PLXNA2: variants seen among roughly 807,000 people sequenced by gnomAD.
PLXNA2 encodes plexin-A2.
Under a neutral mutation model 193.5 loss-of-function variants are expected in PLXNA2, and 91 were observed. That is an observed-to-expected ratio of 0.47 (90% CI 0.40 to 0.56). The LOEUF is 0.56. Among genes scored for constraint, PLXNA2 ranks in the 20% least tolerant of loss-of-function variants. The probability of loss-of-function intolerance (pLI) is 0.00; values close to 1 mark genes in which losing one functional copy is unlikely to be tolerated. For missense variants in PLXNA2, 1,995 were observed against 2,503.2 expected, an observed-to-expected ratio of 0.80 and a Z score of 4.33; for synonymous variants, 997 against 1,027.3, an observed-to-expected ratio of 0.97 and a Z score of 0.56.
In PLXNA2 at chr1:208,042,324, G is replaced by A. The variant is rs1664898186; in HGVS notation, c.4060C>T (p.Leu1354Phe). 1.9e-6 allele frequency: 3 copies of A among 1,614,174 alleles called. No individual in the cohort carries two copies. The highest frequency in any genetic ancestry group is 2.5e-6 in the Non-Finnish European group (3 of 1,180,014). The stretch of plus-strand genomic sequence containing the variant: ...TTGTTGTTGATGAGCTGGGCAAAGA[G>A]CTTCAGGGCCTTCTCCACGTGCTGC... ...GQQHVEKALKLFAQLINNKVF... is the reference protein window; with the variant it reads ...GQQHVEKALKFFAQLINNKVF... Residue 1354 changes from leucine (L) to phenylalanine (F), a missense_variant, in exon 22 of 32, where the codon CTC becomes TTC. By Grantham distance (22) the Leu-to-Phe change is conservative. Coordinates refer to ENST00000367033, the MANE Select transcript of PLXNA2 (RefSeq NM_025179.4).
intron 9 of PLXNA2, among the ~76,000 whole-genome samples, chr1:208,088,802 G>A (rs1436443710): frequency 6.6e-6 from 1 of 152,214 alleles, no homozygotes; most frequent in Non-Finnish European, 1.5e-5. Flanking sequence ...GTAATATGCT[G>A]GATTGACAAT....
intron 26 of PLXNA2, among the ~76,000 whole-genome samples, chr1:208,035,694 C>G (rs1290249406): frequency 6.6e-6 from 1 of 152,090 alleles, no homozygotes; most frequent in Non-Finnish European, 1.5e-5. Flanking sequence ...CCTATTAAAC[C>G]ATTTTTTATT....
chr1:208,132,249 T>G (rs971063594), intron 4 of PLXNA2, among the ~76,000 whole-genome samples: 1 of 152,330 alleles, frequency 6.6e-6, no homozygotes. Context: ...GAGGAGTTAC[T>G]GAGTCTGTGC....
At chr1:208,046,174 G>A (rs571820869) in intron 17 of PLXNA2, 57 bp from the exon 18 acceptor site, 8 of 1,552,442 alleles carry the variant, frequency 5.2e-6, no homozygotes, top group Admixed American at 1.9e-5. Context: ...GAGCCCAGGG[G>A]CCCACAGCCG....
rs1427366160 is a variant in PLXNA2, at chr1:208,025,993, G to A, written c.*1250C>T. 6.6e-6 allele frequency: 1 copy of A among 152,644 alleles called. No individual in the cohort carries two copies. The highest frequency in any genetic ancestry group is 2.4e-5 in the African/African-American group (1 of 41,464). 9.5% of individuals were successfully genotyped at this position (152,644 alleles called of 1,614,324 possible). A position where few individuals can be genotyped will look rare whatever the true frequency, so the allele number is the denominator to read the frequency against. ...GCGAAGGGTGGTCTCCCCTCTCCAG[G>A]CACGAGAGAATGAAAGAAAGAAAGC... On this transcript the variant is annotated 3_prime_UTR_variant, in exon 32 of 32. Transcript: ENST00000367033.
At chr1:208,159,139 A>G (rs932472331) in intron 3 of PLXNA2, among the ~76,000 whole-genome samples, 1 of 152,180 alleles carries the variant, frequency 6.6e-6, no homozygotes, top group African/African-American at 2.4e-5. Flanking sequence ...AAATGCCAGG[A>G]AAATGGGGAA....
In PLXNA2 at chr1:208,042,382, G is replaced by A. The variant is rs1176055046; in HGVS notation, c.4018-16C>T. 6.2e-7 allele frequency: 1 copy of A among 1,609,792 alleles called. No individual in the cohort carries two copies. The highest frequency in any genetic ancestry group is 1.3e-5 in the African/African-American group (1 of 74,984). Reference sequence around the variant, plus strand: ...TTCCTTGTACCTGGGGTGGGGTGTGGTGGAGGCGACGCCCTCAGAGGACAG... The same window carrying A: ...TTCCTTGTACCTGGGGTGGGGTGTGATGGAGGCGACGCCCTCAGAGGACAG... On this transcript the variant is annotated splice_polypyrimidine_tract_variant and intron_variant, in intron 21 of 31. Transcript: ENST00000367033.
chr1:208,152,144 C>T (rs781521489), intron 3 of PLXNA2, among the ~76,000 whole-genome samples: 6 of 152,220 alleles, frequency 3.9e-5, no homozygotes, highest in Non-Finnish European at 7.3e-5. Flanking sequence ...TTCATTAACA[C>T]TGAGGATGGC....
At chr1:208,111,821 C>T (rs1349807663) in intron 4 of PLXNA2, among the ~76,000 whole-genome samples, 1 of 152,212 alleles carries the variant, frequency 6.6e-6, no homozygotes, top group Non-Finnish European at 1.5e-5. Flanking sequence ...CAGCCTCCTG[C>T]CTGTCCTCTG....
intron 3 of PLXNA2, among the ~76,000 whole-genome samples, chr1:208,159,799 G>T (rs1020322470): frequency 6.6e-6 from 1 of 152,222 alleles, no homozygotes; most frequent in Non-Finnish European, 1.5e-5. Context: ...CAGAGAGGAA[G>T]GGGCAGGAAC....
chr1:208,205,659 G>A (rs566943249), intron 3 of PLXNA2, among the ~76,000 whole-genome samples: 1 of 152,304 alleles, frequency 6.6e-6, no homozygotes, highest in South Asian at 2.1e-4. Context: ...ATTTGATGCA[G>A]GAATCCCCTT....
chr1:208,177,796 C>T (rs1669706143), intron 3 of PLXNA2, among the ~76,000 whole-genome samples: 1 of 152,236 alleles, frequency 6.6e-6, no homozygotes, highest in Non-Finnish European at 1.5e-5. Context: ...ATTCTTGGGG[C>T]CTGCCCCAGC....
At chr1:208,204,098 AAAGAATTTTCCTTT>A (rs1670640736) in intron 3 of PLXNA2, among the ~76,000 whole-genome samples, 1 of 152,216 alleles carries the variant, frequency 6.6e-6, no homozygotes, top group Non-Finnish European at 1.5e-5. Flanking sequence ...GGAAAGGCAG[AAAGAATTTTCCTTT>A]AAGAATTTCA....
rs753129962 is a variant in PLXNA2, at chr1:208,092,871, C to T, written c.2012G>A (p.Arg671His). The T allele has an allele frequency of 4.1e-5, 66 of 1,613,664 alleles. No individual in the cohort carries two copies. The highest frequency in any genetic ancestry group is 1.0e-4 in the Admixed American group (6 of 60,002). The change falls in exon 9 of 32, where the codon CGC (arginine) becomes CAC (histidine). Residue 671 changes from arginine to histidine, a missense_variant. This residue lies in a region of PLXNA2 where 1,291 missense variants were observed against 1,673.6 expected (regional missense o/e 0.77). Coordinates refer to ENST00000367033, the MANE Select transcript of PLXNA2 (RefSeq NM_025179.4). ...LCLSCVNSAF[R>H]CHWCKYRNLC... ...GTTGCGGTACTTGCACCAATGGCAG[C>T]GGAAGGCGCTGTTGACACAGGACAG...
At chr1:208,149,574 G>C (rs1259854436) in intron 3 of PLXNA2, among the ~76,000 whole-genome samples, 1 of 151,832 alleles carries the variant, frequency 6.6e-6, no homozygotes, top group Non-Finnish European at 1.5e-5. Context: ...TATAAGTGTG[G>C]TGTGTGTATA....
chr1:208,123,466 G>C (rs139170492), intron 4 of PLXNA2, among the ~76,000 whole-genome samples: 4 of 152,252 alleles, frequency 2.6e-5, no homozygotes, highest in Admixed American at 6.5e-5. Flanking sequence ...ATGTTTTCGA[G>C]TGTGGGCCTT....
At position 208,028,694 on chromosome 1, in the gene PLXNA2, G is replaced by A. The variant is rs1558152745; in HGVS notation, c.5438+136C>T. 2 of 724,266 alleles carry A rather than the reference G, an allele frequency of 2.8e-6. No individual in the cohort carries two copies. Among genetic ancestry groups the A allele is most frequent in the South Asian group, 1.9e-5 (1 of 51,940 alleles). The allele number at this position is 724,266 out of a possible 1,614,324, so 44.9% of individuals were successfully genotyped here. A position where few individuals can be genotyped will look rare whatever the true frequency, so the allele number is the denominator to read the frequency against. Reference sequence around the variant, plus strand: ...GCCACCCTTCCTCCCGCAGCAGGGGGTGTGGCAGGGAGGGGAGTGGGAGGT... The same window carrying A: ...GCCACCCTTCCTCCCGCAGCAGGGGATGTGGCAGGGAGGGGAGTGGGAGGT... On this transcript the variant is annotated intron_variant, in intron 30 of 31. Transcript: ENST00000367033. The surrounding 1 kb of genome is among the most constrained non-coding windows in gnomAD (Gnocchi z 4.2).
In PLXNA2 at chr1:208,222,778, G is replaced by T. The variant is rs190265856; in HGVS notation, c.-80-4776C>A. ...GCTTTCCCTTATAGCAAAAGGAGCT[G>T]GTGGAAAGAGAATTTAGATTTGAAA... On this transcript the variant is annotated intron_variant, in intron 1 of 31. Transcript: ENST00000367033. 2.0e-3 allele frequency among the ~76,000 whole-genome samples: 301 copies of T among 152,242 alleles called. 2 individuals carry two copies. Among genetic ancestry groups the T allele is most frequent in the Middle Eastern group, 3.4e-3 (1 of 294 alleles).
At chr1:208,243,341 C>G (rs1363560641) in intron 1 of PLXNA2, among the ~76,000 whole-genome samples, 1 of 152,110 alleles carries the variant, frequency 6.6e-6, no homozygotes, top group East Asian at 1.9e-4. Flanking sequence ...GCGGTGGAGG[C>G]GCGCCGCGGA....
Sources: gnomAD v4.1 joint callset for allele counts (sites outside exome capture counted in the v4.1 genomes callset) on GRCh38, gnomAD v4.1.1 for gene constraint, gnomAD v4.1.1 regional missense constraint, Gnocchi (gnomAD v3.1) non-coding constraint, MANE v1.5 for transcripts, NCBI Gene and HGNC (gene_info 2026-07-23, HGNC 2026-07-21) for gene names.